Variants in PHF3 observed in about 807,000 individuals in gnomAD.
The protein encoded by PHF3 is PHD finger protein 3.
A neutral mutation model predicts 178.4 loss-of-function variants in PHF3; 41 were observed. That is an observed-to-expected ratio of 0.23 (90% CI 0.18 to 0.30). The LOEUF is 0.30. Ranked by LOEUF, PHF3 falls within the 10% of genes least tolerant of loss-of-function variation. PHF3 has a pLI of 1.00. For missense variants in PHF3, 2,346 were observed against 2,398.1 expected, an observed-to-expected ratio of 0.98 and a Z score of 0.45; for synonymous variants, 842 against 800.5, an observed-to-expected ratio of 1.05 and a Z score of -0.88.
At chr6:63,658,171 C>T (rs1765315948) in intron 2 of PHF3, among the ~76,000 whole-genome samples, 1 of 152,186 alleles carries the variant, frequency 6.6e-6, no homozygotes, top group South Asian at 2.1e-4. Flanking sequence ...CTTATACCAT[C>T]TATCATTTCA....
intron 1 of PHF3, among the ~76,000 whole-genome samples, chr6:63,639,417 G>T (rs1764481834): frequency 6.6e-6 from 1 of 152,118 alleles, no homozygotes; most frequent in South Asian, 2.1e-4. Flanking sequence ...ATGTTCATAT[G>T]CATTGAGGCT....
chr6:63,671,932 A>T (rs1183446887), intron 2 of PHF3, among the ~76,000 whole-genome samples: 3 of 151,866 alleles, frequency 2.0e-5, no homozygotes, highest in Non-Finnish European at 4.4e-5. Context: ...TTTTTAGTAG[A>T]GATGGGGTTT....
intron 14 of PHF3, among the ~76,000 whole-genome samples, chr6:63,710,654 T>G (rs750143262): frequency 1.1e-4 from 16 of 152,198 alleles, no homozygotes; most frequent in Non-Finnish European, 1.3e-4. Context: ...GGTCTCTTCA[T>G]CCAGCCCTTT....
Position 63,724,004 on chromosome 6 carries a change from A to G in PHF3, c.*10296A>G, listed in dbSNP as rs1288497422. Among the ~76,000 whole-genome samples, 11 of 151,816 alleles carry G rather than the reference A, an allele frequency of 7.2e-5. No individual in the cohort carries two copies. Among genetic ancestry groups the G allele is most frequent in the Non-Finnish European group, 1.5e-5 (1 of 67,938 alleles). On this transcript the variant is annotated 3_prime_UTR_variant, in exon 16 of 16. Transcript: ENST00000262043. ...TGTATTTTGGGTAGAGCGAGGTTTT[A>G]CCATGTTGGCCAGGCTGGTCTTGAC...
At position 63,661,626 on chromosome 6, in the gene PHF3, T is replaced by C. The variant is rs115578730; in HGVS notation, c.244+14831T>C. 3.7e-3 allele frequency among the ~76,000 whole-genome samples: 562 copies of C among 152,328 alleles called. 3 individuals carry two copies. The highest frequency in any genetic ancestry group is 0.014 in the Middle Eastern group (4 of 294). On this transcript the variant is annotated intron_variant, in intron 2 of 15. Coordinates refer to ENST00000262043, the MANE Select transcript of PHF3 (RefSeq NM_001370348.2). ...TATTACAGGGGCTAACATCATGGTC[T>C]GACTGATCCAATCCCAGGTAGATTT...
intron 2 of PHF3, among the ~76,000 whole-genome samples, chr6:63,655,952 A>T (rs1385740083): frequency 6.6e-6 from 1 of 152,170 alleles, no homozygotes; most frequent in African/African-American, 2.4e-5. Flanking sequence ...CCTGCTTTAG[A>T]CATTTCTAAT....
chr6:63,717,878 A>G lies in PHF3; in HGVS notation c.*4170A>G, dbSNP rs1768236473. Among the ~76,000 whole-genome samples the G allele has an allele frequency of 6.6e-6, 1 of 152,040 alleles. No homozygotes were observed. The highest frequency in any genetic ancestry group is 2.4e-5 in the African/African-American group (1 of 41,430). ...TTATAAGGAGACCAAAAAGGTAAAT[A>G]TTACTGCACCTTATTTTTAAAAAAT... is the stretch of plus-strand genomic sequence containing the variant. On this transcript the variant is annotated 3_prime_UTR_variant, in exon 16 of 16. Transcript: ENST00000262043.
intron 2 of PHF3, among the ~76,000 whole-genome samples, chr6:63,678,618 G>A (rs1766289415): frequency 6.7e-6 from 1 of 150,354 alleles, no homozygotes; most frequent in African/African-American, 2.5e-5. Flanking sequence ...ACATATGCAT[G>A]CATTTTATTT....
chr6:63,705,672 A>G (rs1367968908), intron 11 of PHF3, among the ~76,000 whole-genome samples: 2 of 152,240 alleles, frequency 1.3e-5, no homozygotes, highest in Admixed American at 6.5e-5. Context: ...AATCTTGTCC[A>G]TATTTACTCA....
intron 2 of PHF3, among the ~76,000 whole-genome samples, chr6:63,653,541 T>A (rs1163541363): frequency 6.6e-6 from 1 of 152,178 alleles, no homozygotes; most frequent in Non-Finnish European, 1.5e-5. Context: ...TTATTTTGTA[T>A]CCTACAAGTT....
chr6:63,684,105 A>G, intron 3 of PHF3, 24 bp from the exon 4 acceptor site: 2 of 1,512,598 alleles, frequency 1.3e-6, no homozygotes, highest in Non-Finnish European at 1.8e-6. Flanking sequence ...AAGTATTTTT[A>G]TTTATTTTTT....
Position 63,716,329 on chromosome 6 carries a change from CTGA to C in PHF3, c.*2626_*2628del, listed in dbSNP as rs1768189100. 6.6e-6 allele frequency among the ~76,000 whole-genome samples: 1 copy of C among 152,120 alleles called. No individual in the cohort carries two copies. Among genetic ancestry groups the C allele is most frequent in the African/African-American group, 2.4e-5 (1 of 41,444 alleles). The stretch of plus-strand genomic sequence containing the variant: ...GAGAATGAGAAAAAGAAGCAAAAGC[CTGA>C]TGATCATATATACCTTTCATAGCCC... On this transcript the variant is annotated 3_prime_UTR_variant, in exon 16 of 16. Coordinates refer to ENST00000262043, the MANE Select transcript of PHF3 (RefSeq NM_001370348.2).
chr6:63,677,231 C>G (rs1452083985), intron 2 of PHF3, among the ~76,000 whole-genome samples: 4 of 151,986 alleles, frequency 2.6e-5, no homozygotes, highest in South Asian at 4.2e-4. Context: ...ATAGATGGGC[C>G]TGGATAAGAT....
chr6:63,645,052 T>C (rs1392790147), intron 1 of PHF3, among the ~76,000 whole-genome samples: 2 of 137,196 alleles, frequency 1.5e-5, no homozygotes, highest in South Asian at 2.5e-4. Flanking sequence ...GGCTAATTTT[T>C]GTATTTTTTT....
intron 2 of PHF3, among the ~76,000 whole-genome samples, chr6:63,670,461 G>T (rs1177226175): frequency 6.6e-6 from 1 of 151,830 alleles, no homozygotes; most frequent in Non-Finnish European, 1.5e-5. Context: ...GTAGAGATGG[G>T]GTTTCACCAC....
chr6:63,661,945 T>C (rs1192545746), intron 2 of PHF3, among the ~76,000 whole-genome samples: 1 of 152,126 alleles, frequency 6.6e-6, no homozygotes, highest in South Asian at 2.1e-4. Context: ...GTTTGGGGCC[T>C]GTTAGGAACC....
intron 9 of PHF3, 123 bp downstream of exon 9, chr6:63,700,589 C>G (rs570395014): frequency 1.2e-5 from 7 of 563,096 alleles, no homozygotes; most frequent in Middle Eastern, 4.4e-4. Flanking sequence ...CTGTTACATG[C>G]TTCTTTTTTT....
At position 63,709,146 on chromosome 6, in the gene PHF3, C is replaced by G; in HGVS notation, c.3712-5C>G. The G allele has an allele frequency of 6.7e-7, 1 of 1,482,228 alleles. No individual in the cohort carries two copies. The highest frequency in any genetic ancestry group is 9.3e-7 in the Non-Finnish European group (1 of 1,078,956). 91.8% of individuals were successfully genotyped at this position (1,482,228 alleles called of 1,614,324 possible). A position where few individuals can be genotyped will look rare whatever the true frequency, so the allele number is the denominator to read the frequency against. Reference sequence around the variant, plus strand: ...TTGATCTCTTTTTTTTTTTTTTAACCATAGGACCTACCAGATAGTATTCAA... The same window carrying G: ...TTGATCTCTTTTTTTTTTTTTTAACGATAGGACCTACCAGATAGTATTCAA... On this transcript the variant is annotated splice_region_variant and splice_polypyrimidine_tract_variant and intron_variant, in intron 13 of 15. Coordinates refer to ENST00000262043, the MANE Select transcript of PHF3 (RefSeq NM_001370348.2).
intron 2 of PHF3, among the ~76,000 whole-genome samples, chr6:63,669,395 C>T (rs1226596993): frequency 6.6e-6 from 1 of 152,102 alleles, no homozygotes; most frequent in Non-Finnish European, 1.5e-5. Flanking sequence ...GGGCCTGGGA[C>T]AAATACACTA....
Sources: gnomAD v4.1 joint callset for allele counts (sites outside exome capture counted in the v4.1 genomes callset) on GRCh38, gnomAD v4.1.1 for gene constraint, MANE v1.5 for transcripts, NCBI Gene and HGNC (gene_info 2026-07-23, HGNC 2026-07-21) for gene names.